Variants in PDZD2 observed in about 807,000 individuals in gnomAD.
PDZD2 encodes PDZ domain containing 2.
Under a neutral mutation model 220.7 loss-of-function variants are expected in PDZD2, and 90 were observed. The observed-to-expected ratio is 0.41, with a 90% CI of 0.34 to 0.49. The LOEUF is 0.49. Ranked by LOEUF, PDZD2 falls within the 20% of genes least tolerant of loss-of-function variation. PDZD2 has a pLI of 0.28. For missense variants in PDZD2, 3,174 were observed against 3,608.5 expected (o/e 0.88, Z 3.08); for synonymous variants, 1,375 against 1,450.5 (o/e 0.95, Z 1.18).
intron 2 of PDZD2, among the ~76,000 whole-genome samples, chr5:31,893,961 C>T (rs1010232879): frequency 2.6e-5 from 4 of 150,960 alleles, no homozygotes; most frequent in Middle Eastern, 3.4e-3. Flanking sequence ...ATGGTGCAAT[C>T]TTGGCTCACT....
intron 3 of PDZD2, among the ~76,000 whole-genome samples, chr5:31,993,285 C>T (rs1441236325): frequency 6.6e-6 from 1 of 152,142 alleles, no homozygotes. Flanking sequence ...TTACATTTGG[C>T]CAGACAGGCT....
intron 2 of PDZD2, among the ~76,000 whole-genome samples, chr5:31,905,322 A>G (rs1255554234): frequency 6.6e-6 from 1 of 152,068 alleles, no homozygotes; most frequent in Non-Finnish European, 1.5e-5. Flanking sequence ...CTTCTTTTTT[A>G]GTGGTTGAAG....
intron 1 of PDZD2, among the ~76,000 whole-genome samples, chr5:31,761,491 A>G (rs568895459): frequency 5.5e-5 from 8 of 144,902 alleles, no homozygotes; most frequent in South Asian, 4.2e-4. Flanking sequence ...TTCTCGGGGG[A>G]AAAAAAATGA....
At position 31,888,921 on chromosome 5, in the gene PDZD2, C is replaced by A. The variant is rs371320731; in HGVS notation, c.476+89197C>A. Among the ~76,000 whole-genome samples the A allele has an allele frequency of 5.3e-5, 8 of 152,246 alleles. No homozygotes were observed. In the East Asian group the frequency reaches 1.4e-3, roughly 26 times the overall value. On this transcript the variant is annotated intron_variant, in intron 2 of 24. Coordinates refer to ENST00000438447, the MANE Select transcript of PDZD2 (RefSeq NM_178140.4). ...TGGATGGAATGGAAATGTTCCCAGT[C>A]AAGATACCCTCATGCCCAGAGCCAG...
intron 2 of PDZD2, among the ~76,000 whole-genome samples, chr5:31,825,514 G>C (rs62348968): frequency 0.19 from 29,252 of 152,180 alleles, 3,132 homozygotes; most frequent in Non-Finnish European, 0.25. Context: ...CCAAAGAAAG[G>C]CTGCTGTGGG....
intron 1 of PDZD2, among the ~76,000 whole-genome samples, chr5:31,659,340 CT>C (rs1367689653): frequency 4.6e-5 from 7 of 152,126 alleles, no homozygotes; most frequent in Admixed American, 3.9e-4. Flanking sequence ...GTACTGATCA[CT>C]TCCAGATCTG....
Position 32,087,508 on chromosome 5 carries a change from G to A in PDZD2, c.4060G>A (p.Ala1354Thr). The change falls in exon 20 of 25, where the codon GCT (alanine) becomes ACT (threonine). Residue 1354 changes from alanine (A) to threonine (T), a missense_variant. Around this residue, in one of 4 missense-constraint regions of PDZD2, gnomAD observed 1,861 missense variants for 2,001.0 expected, o/e 0.93. Coordinates refer to ENST00000438447, the MANE Select transcript of PDZD2 (RefSeq NM_178140.4). The surrounding 1 kb of genome is among the most constrained non-coding windows in gnomAD (Gnocchi z 4.0). ...PLTSQEQRQG[A>T]PGNHSKALEM... ...CACATCCCAGGAGCAGAGACAGGGA[G>A]CTCCAGGTAACCACAGTAAGGCTCT... The A allele has an allele frequency of 6.2e-7, 1 of 1,613,110 alleles. No individual in the cohort carries two copies. The highest frequency in any genetic ancestry group is 8.5e-7 in the Non-Finnish European group (1 of 1,179,482).
chr5:31,785,904 A>C (rs1753353759), intron 1 of PDZD2, among the ~76,000 whole-genome samples: 1 of 151,922 alleles, frequency 6.6e-6, no homozygotes, highest in Admixed American at 6.6e-5. Flanking sequence ...GTCGCTCCAC[A>C]TCACTTCTCT....
chr5:31,772,457 G>A (rs982080088), intron 1 of PDZD2, among the ~76,000 whole-genome samples: 3 of 152,188 alleles, frequency 2.0e-5, no homozygotes, highest in East Asian at 1.9e-4. Context: ...GTTCAGGTGT[G>A]CTCTCGCCAT....
In PDZD2 at chr5:32,074,002, G is replaced by A. The variant is rs201901247; in HGVS notation, c.2896G>A (p.Asp966Asn). ...LLRQRKVGCY[D>N]ANDASDEEEF... ...CCGCCAGAGGAAGGTAGGCTGCTAC[G>A]ATGCCAACGATGCCAGTGATGAGGA... The change falls in exon 18 of 25, where the codon GAT becomes AAT. Residue 966 changes from aspartate to asparagine, a missense_variant. By Grantham distance (23) the Asp-to-Asn change is conservative. Around this residue, in one of 4 missense-constraint regions of PDZD2, gnomAD observed 1,861 missense variants for 2,001.0 expected, o/e 0.93. Coordinates refer to ENST00000438447, the MANE Select transcript of PDZD2 (RefSeq NM_178140.4). The A allele has an allele frequency of 6.8e-5, 110 of 1,614,188 alleles. No individual in the cohort carries two copies. In the East Asian group the frequency reaches 1.6e-3, roughly 24 times the overall value.
intron 1 of PDZD2, among the ~76,000 whole-genome samples, chr5:31,670,796 A>G (rs1746187371): frequency 6.6e-6 from 1 of 151,984 alleles, no homozygotes; most frequent in African/African-American, 2.4e-5. Context: ...AGAAATGAGG[A>G]GGAAGAGGGA....
At chr5:31,983,734 G>A (rs1363076358) in intron 3 of PDZD2, 78 bp downstream of exon 3, 71 of 1,397,282 alleles carry the variant, frequency 5.1e-5, no homozygotes, top group Non-Finnish European at 6.5e-5. Context: ...CAGCCCATGC[G>A]GGAAATACAA....
chr5:31,781,285 A>G (rs1753048945), intron 1 of PDZD2, among the ~76,000 whole-genome samples: 1 of 152,192 alleles, frequency 6.6e-6, no homozygotes, highest in South Asian at 2.1e-4. Context: ...GTGGTGGTGC[A>G]CGTCTGTAAT....
chr5:31,881,326 ATGTGTGTGTGTGTG>A (rs67969355), intron 2 of PDZD2, among the ~76,000 whole-genome samples: 581 of 123,248 alleles, frequency 4.7e-3, no homozygotes, highest in African/African-American at 0.016. Flanking sequence ...TTCCATATAT[ATGTGTGTGTGTGTG>A]TGTGTGTGTG....
intron 2 of PDZD2, among the ~76,000 whole-genome samples, chr5:31,872,483 T>C (rs1390586858): frequency 6.6e-6 from 1 of 152,172 alleles, no homozygotes; most frequent in Non-Finnish European, 1.5e-5. Flanking sequence ...AGAGGCCACC[T>C]GGCTGAAGAA....
chr5:31,721,821 A>T (rs1433710650), intron 1 of PDZD2, among the ~76,000 whole-genome samples: 1 of 152,144 alleles, frequency 6.6e-6, no homozygotes, highest in East Asian at 1.9e-4. Context: ...GAGGCTGAGA[A>T]TGAGGATATT....
rs1742417523 is a variant in PDZD2 at position 31,904,234 on chromosome 5, G to T, written c.477-78921G>T. Among the ~76,000 whole-genome samples the T allele has an allele frequency of 2.0e-5, 3 of 152,118 alleles. No individual in the cohort carries two copies. In the South Asian group the frequency reaches 6.2e-4, roughly 32 times the overall value. On this transcript the variant is annotated intron_variant, in intron 2 of 24. Coordinates refer to ENST00000438447, the MANE Select transcript of PDZD2 (RefSeq NM_178140.4). ...CTACATCTACAAATTACAAGTTGCT[G>T]AAGGTTAACATAGTGAAATCAGCCA...
intron 2 of PDZD2, chr5:31,936,013 T>C (rs980146104): frequency 8.8e-6 from 7 of 798,490 alleles, no homozygotes; most frequent in Non-Finnish European, 1.1e-5. Context: ...AGGGCAAGGA[T>C]TGGCTCCTTC....
At chr5:31,898,649 C>T (rs573604872) in intron 2 of PDZD2, among the ~76,000 whole-genome samples, 3 of 152,234 alleles carry the variant, frequency 2.0e-5, no homozygotes, top group Admixed American at 2.0e-4. Context: ...GATGCTTGCA[C>T]ATAGTGTGTG....
Sources: allele counts gnomAD v4.1 joint callset (sites outside exome capture counted in the v4.1 genomes callset), GRCh38; gene constraint gnomAD v4.1.1; regional missense constraint gnomAD v4.1.1; non-coding constraint Gnocchi (gnomAD v3.1); transcripts MANE v1.5; gene names NCBI Gene and HGNC (gene_info 2026-07-23, HGNC 2026-07-21).